TMEM132D: variants seen among roughly 807,000 people sequenced by gnomAD.
TMEM132D encodes transmembrane protein 132D.
In TMEM132D, 21 loss-of-function variants were observed where a neutral mutation model predicts 62.3. The ratio of observed to expected loss-of-function variants is 0.34; its 90% confidence interval spans 0.24 to 0.49. TMEM132D has a LOEUF of 0.49. Among genes scored for constraint, TMEM132D ranks in the 20% least tolerant of loss-of-function variants. The pLI is 0.99. For missense variants in TMEM132D, 1,346 were observed against 1,402.8 expected, an observed-to-expected ratio of 0.96 and a Z score of 0.65; for synonymous variants, 621 against 575.6, an observed-to-expected ratio of 1.08 and a Z score of -1.13.
At chr12:129,548,111 T>C (rs932788917) in intron 2 of TMEM132D, among the ~76,000 whole-genome samples, 1 of 152,190 alleles carries the variant, frequency 6.6e-6, no homozygotes, top group African/African-American at 2.4e-5. Flanking sequence ...CCTGCACATT[T>C]AGTTGTCGCT....
intron 2 of TMEM132D, among the ~76,000 whole-genome samples, chr12:129,647,177 T>C (rs1397810598): frequency 6.6e-6 from 1 of 151,248 alleles, no homozygotes; most frequent in Non-Finnish European, 1.5e-5. Flanking sequence ...TGCATGTTTT[T>C]CAAATTGTTA....
At chr12:129,863,099 G>A (rs1439153202) in intron 1 of TMEM132D, among the ~76,000 whole-genome samples, 3 of 152,152 alleles carry the variant, frequency 2.0e-5, no homozygotes, top group South Asian at 2.1e-4. Context: ...GGAACAGGCC[G>A]GTTATCAGAC....
At chr12:129,334,475 T>C (rs985924183) in intron 4 of TMEM132D, among the ~76,000 whole-genome samples, 1 of 152,156 alleles carries the variant, frequency 6.6e-6, no homozygotes, top group South Asian at 2.1e-4. Flanking sequence ...AAGGTTAAAA[T>C]AAGGCACCTT....
chr12:129,667,782 C>T (rs1880411897), intron 2 of TMEM132D, among the ~76,000 whole-genome samples: 1 of 152,070 alleles, frequency 6.6e-6, no homozygotes, highest in South Asian at 2.1e-4. Flanking sequence ...GCTTAGCTTT[C>T]ATTGGGCTAT....
chr12:129,824,399 A>G (rs1303297494), intron 1 of TMEM132D, among the ~76,000 whole-genome samples: 3 of 152,282 alleles, frequency 2.0e-5, no homozygotes, highest in African/African-American at 7.2e-5. Flanking sequence ...TCAGCTTCTA[A>G]CCAATATTAG....
intron 5 of TMEM132D, among the ~76,000 whole-genome samples, chr12:129,155,233 A>G (rs1877201876): frequency 6.6e-6 from 1 of 152,298 alleles, no homozygotes; most frequent in South Asian, 2.1e-4. Flanking sequence ...CTGGCATTCA[A>G]TTTGCACCTG....
At chr12:129,234,811 T>A (rs1481270748) in intron 4 of TMEM132D, among the ~76,000 whole-genome samples, 16 of 152,120 alleles carry the variant, frequency 1.1e-4, no homozygotes, top group Admixed American at 1.0e-3. Context: ...ACAAAGGCAA[T>A]CTATGTGGGT....
intron 5 of TMEM132D, among the ~76,000 whole-genome samples, chr12:129,143,648 T>C (rs1161135709): frequency 6.6e-6 from 1 of 152,152 alleles, no homozygotes; most frequent in Non-Finnish European, 1.5e-5. Flanking sequence ...CCTGAACTTG[T>C]AGATAAAAAC....
chr12:129,903,188 T>A lies in TMEM132D; in HGVS notation c.79+73A>T. On this transcript the variant is annotated intron_variant, in intron 1 of 8. Transcript: ENST00000422113. The surrounding 1 kb of genome is among the most constrained non-coding windows in gnomAD (Gnocchi z 6.2). ...GAGCCCTCTCTCCCGGCCGCCCCCA[T>A]CCTCCACACACTCCCACACACTCAC... 1 of 1,483,256 alleles carries A rather than the reference T, an allele frequency of 6.7e-7. No homozygotes were observed. The highest frequency in any genetic ancestry group is 9.2e-7 in the Non-Finnish European group (1 of 1,087,320). The allele number at this position is 1,483,256 out of a possible 1,614,324, so 91.9% of individuals were successfully genotyped here.
chr12:129,838,133 G>T (rs1241663096), intron 1 of TMEM132D, among the ~76,000 whole-genome samples: 2 of 152,160 alleles, frequency 1.3e-5, no homozygotes, highest in Non-Finnish European at 2.9e-5. Context: ...ACAAACTGCT[G>T]CACTGGATTC....
rs139372007 is a variant in TMEM132D at position 129,605,063 on chromosome 12, C to T, written c.969-73858G>A. ...ATATGCATAAAAGTAAGTCACTTAC[C>T]CTTAAAAATATACTAGTGATATAAA... On this transcript the variant is annotated intron_variant, in intron 2 of 8. Coordinates refer to ENST00000422113, the MANE Select transcript of TMEM132D (RefSeq NM_133448.3). Among the ~76,000 whole-genome samples, 807 of 152,116 alleles carry T rather than the reference C, an allele frequency of 5.3e-3. 5 individuals are homozygous for T. The highest frequency in any genetic ancestry group is 7.3e-3 in the Non-Finnish European group (493 of 67,986).
At chr12:129,375,536 G>C (rs192921107) in intron 3 of TMEM132D, among the ~76,000 whole-genome samples, 44 of 152,320 alleles carry the variant, frequency 2.9e-4, no homozygotes, top group African/African-American at 9.6e-4. Context: ...AAGCAGTTGA[G>C]AACTACTGGG....
chr12:129,798,992 G>A (rs983727904), intron 1 of TMEM132D, among the ~76,000 whole-genome samples: 1 of 152,218 alleles, frequency 6.6e-6, no homozygotes, highest in Non-Finnish European at 1.5e-5. Flanking sequence ...TCGGCCGGAC[G>A]CAGTGGCTCA....
At chr12:129,673,433 A>G (rs1462849640) in intron 2 of TMEM132D, among the ~76,000 whole-genome samples, 2 of 152,224 alleles carry the variant, frequency 1.3e-5, no homozygotes, top group Non-Finnish European at 2.9e-5. Context: ...GGAAATTTCA[A>G]TCATAAAAAC....
intron 5 of TMEM132D, among the ~76,000 whole-genome samples, chr12:129,115,880 C>G (rs549384649): frequency 6.6e-6 from 1 of 152,226 alleles, no homozygotes; most frequent in African/African-American, 2.4e-5. Context: ...CACATCTCCC[C>G]TTGGCTGGAT....
At chr12:129,745,379 T>C (rs117113525) in intron 1 of TMEM132D, among the ~76,000 whole-genome samples, 5,329 of 152,278 alleles carry the variant, frequency 0.035, 120 homozygotes, top group Admixed American at 0.062. Flanking sequence ...GTCATTGTTA[T>C]AAAACCCCAA....
intron 2 of TMEM132D, among the ~76,000 whole-genome samples, chr12:129,589,033 C>G (rs888372319): frequency 2.6e-5 from 4 of 151,844 alleles, no homozygotes. Context: ...TTTTTCTTTC[C>G]TTTTTTTAAA....
intron 5 of TMEM132D, among the ~76,000 whole-genome samples, chr12:129,137,140 T>C (rs1876601482): frequency 3.5e-5 from 1 of 28,412 alleles, no homozygotes; most frequent in Non-Finnish European, 1.6e-4. Flanking sequence ...TCACCATCAC[T>C]ATCATTGTCA....
intron 3 of TMEM132D, among the ~76,000 whole-genome samples, chr12:129,501,833 A>G (rs1430283360): frequency 6.6e-6 from 1 of 151,902 alleles, no homozygotes. Context: ...TCAACAGGGG[A>G]TAACAACCAT....
Sources: gnomAD v4.1 joint callset for allele counts (sites outside exome capture counted in the v4.1 genomes callset) on GRCh38, gnomAD v4.1.1 for gene constraint, Gnocchi (gnomAD v3.1) non-coding constraint, MANE v1.5 for transcripts, NCBI Gene and HGNC (gene_info 2026-07-23, HGNC 2026-07-21) for gene names.